The following UGT1A10 variants were observed in gnomAD, a reference collection of about 807,000 sequenced individuals.
UGT1A10 encodes the protein UDP-glucuronosyltransferase 1A10.
In UGT1A10, 49 loss-of-function variants were observed where a neutral mutation model predicts 45.8. The ratio of observed to expected loss-of-function variants is 1.07; its 90% CI spans 0.85 to 1.36. The LOEUF (loss-of-function observed/expected upper bound fraction) is 1.36. Ranked by LOEUF, UGT1A10 falls within the 40% of genes most tolerant of loss-of-function variation. UGT1A10 has a pLI of 0.00. For synonymous variants in UGT1A10, 284 were observed against 249.7 expected (o/e 1.14, Z -1.29); for missense variants, 745 against 668.6 (o/e 1.11, Z -1.26).
At chr2:233,638,171 T>A (rs1416927899) in intron 1 of UGT1A10, among the ~76,000 whole-genome samples, 1 of 152,204 alleles carries the variant, frequency 6.6e-6, no homozygotes, top group Non-Finnish European at 1.5e-5. Context: ...TTCAGGAACA[T>A]ATATGTCTCA....
chr2:233,751,523 AT>A (rs1694748821), intron 1 of UGT1A10, among the ~76,000 whole-genome samples: 1 of 152,210 alleles, frequency 6.6e-6, no homozygotes, highest in Admixed American at 6.5e-5. Context: ...GCAGAATGAT[AT>A]GGTTTGACTC....
intron 1 of UGT1A10, chr2:233,741,568 C>G (rs1459540084): frequency 2.0e-5 from 3 of 151,868 alleles, no homozygotes; most frequent in African/African-American, 7.3e-5. Context: ...GTATGAGAAT[C>G]AACTACCCAG....
rs191127700 is a variant in UGT1A10, at chr2:233,728,874, G to T, written c.856-38160G>T. 1.3e-4 allele frequency among the ~76,000 whole-genome samples: 20 copies of T among 152,302 alleles called. No homozygotes were observed. In the East Asian group the frequency reaches 3.7e-3, roughly 28 times the overall value. Reference sequence around the variant, plus strand: ...GATGAGAAACAAGAGCTTGAACTTGGATGTTCCCCAGAGTGAGCACAGGGT... The same window carrying T: ...GATGAGAAACAAGAGCTTGAACTTGTATGTTCCCCAGAGTGAGCACAGGGT... On this transcript the variant is annotated intron_variant, in intron 1 of 4. Transcript: ENST00000344644.
intron 1 of UGT1A10, chr2:233,754,930 G>A (rs1387383656): frequency 5.9e-6 from 8 of 1,344,668 alleles, no homozygotes; most frequent in Non-Finnish European, 8.0e-6. Flanking sequence ...TTTCCCAAGA[G>A]GTCAAAGGAG....
chr2:233,754,899 C>A, intron 1 of UGT1A10: 2 of 1,352,028 alleles, frequency 1.5e-6, no homozygotes, highest in Non-Finnish European at 2.0e-6. Flanking sequence ...CCTCTGACCC[C>A]CCAAAATATT....
chr2:233,758,419 A>C (rs1696871413), intron 1 of UGT1A10, among the ~76,000 whole-genome samples: 1 of 152,240 alleles, frequency 6.6e-6, no homozygotes, highest in Non-Finnish European at 1.5e-5. Context: ...TATAATCTGC[A>C]AATGAACTCA....
intron 1 of UGT1A10, chr2:233,752,621 T>A (rs1428833052): frequency 3.3e-5 from 5 of 152,162 alleles, no homozygotes; most frequent in Admixed American, 3.3e-4. Context: ...TAGCTAGGTG[T>A]GGTAGCTGTT....
rs761082067 is a variant in UGT1A10, at chr2:233,637,375, A to G, written c.853A>G (p.Met285Val). 13 of 1,611,812 alleles carry G rather than the reference A, an allele frequency of 8.1e-6. No homozygotes were observed. In the African/African-American group the frequency reaches 1.1e-4, roughly 13 times the overall value. Reference protein sequence around the residue: ...INCHQGKPLPMEFEAYINASG... With the variant: ...INCHQGKPLPVEFEAYINASG... ...CTGTCATCAGGGAAAGCCATTGCCT[A>G]TGGTAAGTCACCTCTCCTTTAGCAC... is the stretch of plus-strand genomic sequence containing the variant. Residue 285 changes from methionine (M) to valine (V), a missense_variant and splice_region_variant, in exon 1 of 5, where the codon ATG becomes GTG. By Grantham distance (21) the Met-to-Val change is conservative. Transcript: ENST00000344644.
intron 1 of UGT1A10, chr2:233,719,514 G>A: frequency 6.2e-7 from 1 of 1,613,922 alleles, no homozygotes; most frequent in Non-Finnish European, 8.5e-7. Context: ...TGCCCCTTAT[G>A]CAAGTCTTGC....
At chr2:233,682,942 T>C in intron 1 of UGT1A10, 2 of 1,422,272 alleles carry the variant, frequency 1.4e-6, no homozygotes, top group Non-Finnish European at 1.9e-6. Context: ...CACTTAATTG[T>C]TGGGTAGCAA....
Position 233,769,524 on chromosome 2 carries a change from C to T in UGT1A10, c.1295+1085C>T. On this transcript the variant is annotated intron_variant, in intron 4 of 4. Coordinates refer to ENST00000344644, the MANE Select transcript of UGT1A10 (RefSeq NM_019075.4). The surrounding 1 kb of genome is among the most constrained non-coding windows in gnomAD (Gnocchi z 4.4). ...CCATTGCTTTCTCCCATGGTTACCT[C>T]CTTTAGAAAGAAGCAGCAGTCAGGA... 1 of 1,612,860 alleles carries T rather than the reference C, an allele frequency of 6.2e-7. No homozygotes were observed.
rs1031320895 is a variant in UGT1A10, at chr2:233,747,800, G to A, written c.856-19234G>A. ...CAAATCCTTCCTCCTATATTCCTAA[G>A]TTACTAACGACCAATTCAGACCACA... On this transcript the variant is annotated intron_variant, in intron 1 of 4. Transcript: ENST00000344644. The A allele has an allele frequency of 3.1e-6, 5 of 1,613,386 alleles. No homozygotes were observed. The African/African-American group carries it at 4.0e-5, about 13-fold the overall frequency.
chr2:233,693,151 C>T, intron 1 of UGT1A10: 1 of 1,614,208 alleles, frequency 6.2e-7, no homozygotes, highest in Non-Finnish European at 8.5e-7. Flanking sequence ...TTGAGGTTCT[C>T]AGTGACCGGG....
At chr2:233,717,999 T>G (rs1180209049) in intron 1 of UGT1A10, 5 of 416,692 alleles carry the variant, frequency 1.2e-5, no homozygotes, top group Non-Finnish European at 2.4e-5. Flanking sequence ...CTGTGCAAGA[T>G]CTGAGGCCAG....
At position 233,713,711 on chromosome 2, in the gene UGT1A10, G is replaced by C; in HGVS notation, c.856-53323G>C. 1.7e-5 allele frequency: 27 copies of C among 1,613,928 alleles called. No individual in the cohort carries two copies. Among genetic ancestry groups the C allele is most frequent in the Non-Finnish European group, 2.3e-5 (27 of 1,179,878 alleles). ...CAAGCCTTGCCTCTGAGCTTTTTCAGAGAGAGGTGTCAGTGGTGGATCTTG... is the reference window on the plus strand; with the variant it reads ...CAAGCCTTGCCTCTGAGCTTTTTCACAGAGAGGTGTCAGTGGTGGATCTTG... On this transcript the variant is annotated intron_variant, in intron 1 of 4. Coordinates refer to ENST00000344644, the MANE Select transcript of UGT1A10 (RefSeq NM_019075.4).
chr2:233,644,942 A>T (rs1328627282), intron 1 of UGT1A10, among the ~76,000 whole-genome samples: 4 of 152,104 alleles, frequency 2.6e-5, no homozygotes, highest in Admixed American at 6.5e-5. Context: ...AATCCTTTAC[A>T]TAGAAAACTG....
chr2:233,772,485 T>A lies in UGT1A10; in HGVS notation c.1519T>A (p.Cys507Ser). The change falls in exon 5 of 5, where the codon TGT becomes AGT. Residue 507 changes from cysteine (C) to serine (S), a missense_variant. Physicochemically the swap from Cys to Ser is moderately radical, Grantham distance 112 (BLOSUM62 -1). Transcript: ENST00000344644. The stretch of plus-strand genomic sequence containing the variant: ...AGTGGCCTTCATCACCTTTAAATGT[T>A]GTGCTTATGGCTACCGGAAATGCTT... ...LTVAFITFKC[C>S]AYGYRKCLGK... 2 of 1,614,206 alleles carry A rather than the reference T, an allele frequency of 1.2e-6. No individual in the cohort carries two copies. The highest frequency in any genetic ancestry group is 1.7e-6 in the Non-Finnish European group (2 of 1,180,040).
At chr2:233,645,568 G>A (rs2073578460) in intron 1 of UGT1A10, among the ~76,000 whole-genome samples, 1 of 152,196 alleles carries the variant, frequency 6.6e-6, no homozygotes, top group South Asian at 2.1e-4. Context: ...CATTCCAACT[G>A]GGAAAAATTG....
At chr2:233,754,914 A>G (rs755182850) in intron 1 of UGT1A10, 33 of 1,353,478 alleles carry the variant, frequency 2.4e-5, no homozygotes, top group Non-Finnish European at 3.2e-5. Flanking sequence ...AATATTCTCC[A>G]GCGGGTTTCC....
Sources: allele counts gnomAD v4.1 joint callset (sites outside exome capture counted in the v4.1 genomes callset), GRCh38; gene constraint gnomAD v4.1.1; non-coding constraint Gnocchi (gnomAD v3.1); transcripts MANE v1.5; gene names NCBI Gene and HGNC (gene_info 2026-07-23, HGNC 2026-07-21).